Variants in CACNA2D3 observed in about 807,000 individuals in gnomAD.
CACNA2D3 encodes the protein calcium voltage-gated channel auxiliary subunit alpha2delta 3, also known as voltage-dependent calcium channel subunit alpha-2/delta-3.
Under a neutral mutation model 160.6 loss-of-function variants are expected in CACNA2D3, and 60 were observed. The ratio of observed to expected loss-of-function variants is 0.37; its 90% CI spans 0.30 to 0.46. The LOEUF (loss-of-function observed/expected upper bound fraction) is 0.46, where lower values mean the gene tolerates loss of function less well. Ranked by LOEUF, CACNA2D3 falls within the 20% of genes least tolerant of loss-of-function variation. The probability of loss-of-function intolerance (pLI) is 1.00; values close to 1 mark genes in which losing one functional copy is unlikely to be tolerated. For missense variants in CACNA2D3, 1,205 were observed against 1,365.0 expected, an observed-to-expected ratio of 0.88 and a Z score of 1.85; for synonymous variants, 558 against 492.9, an observed-to-expected ratio of 1.13 and a Z score of -1.75.
intron 13 of CACNA2D3, among the ~76,000 whole-genome samples, chr3:54,778,019 G>T (rs763965903): frequency 3.3e-5 from 5 of 152,182 alleles, no homozygotes; most frequent in Admixed American, 2.6e-4. Flanking sequence ...CCCTCCAGGG[G>T]AGCCTAAATT....
intron 34 of CACNA2D3, among the ~76,000 whole-genome samples, chr3:55,011,113 A>G (rs1225444626): frequency 6.6e-6 from 1 of 152,214 alleles, no homozygotes; most frequent in Non-Finnish European, 1.5e-5. Context: ...AGAACATGAG[A>G]TGGAGCAGAA....
Position 54,350,724 on chromosome 3 carries a change from C to T in CACNA2D3, c.321+30166C>T, listed in dbSNP as rs187226147. Among the ~76,000 whole-genome samples the T allele has an allele frequency of 3.9e-3, 594 of 152,240 alleles. 4 individuals are homozygous for T. The highest frequency in any genetic ancestry group is 2.3e-3 in the Non-Finnish European group (154 of 68,026). On this transcript the variant is annotated intron_variant, in intron 3 of 37. Transcript: ENST00000474759. ...CAAATGCTCCACAAGAGTGAGCTTT[C>T]GAGATACTCGAAGCATCAACCTTGT... is the stretch of plus-strand genomic sequence containing the variant.
At chr3:54,407,280 G>T (rs1699593553) in intron 4 of CACNA2D3, among the ~76,000 whole-genome samples, 1 of 152,246 alleles carries the variant, frequency 6.6e-6, no homozygotes, top group Non-Finnish European at 1.5e-5. Context: ...CTTTTGTGCA[G>T]TAAACAAAAT....
intron 3 of CACNA2D3, among the ~76,000 whole-genome samples, chr3:54,377,096 A>G (rs546567650): frequency 6.6e-6 from 1 of 152,226 alleles, no homozygotes; most frequent in Admixed American, 6.5e-5. Flanking sequence ...CATCCTGTCC[A>G]GTGTCTCACA....
intron 35 of CACNA2D3, among the ~76,000 whole-genome samples, chr3:55,054,603 A>T (rs936130944): frequency 6.7e-6 from 1 of 149,690 alleles, no homozygotes; most frequent in Non-Finnish European, 1.5e-5. Flanking sequence ...TTAATATACT[A>T]TATTATAAAG....
intron 2 of CACNA2D3, among the ~76,000 whole-genome samples, chr3:54,218,875 T>C (rs532388166): frequency 1.6e-4 from 25 of 152,316 alleles, no homozygotes; most frequent in Admixed American, 7.2e-4. Flanking sequence ...TCCTTCACTG[T>C]CATCTCCCTC....
At chr3:54,802,912 T>C (rs576776068) in intron 13 of CACNA2D3, among the ~76,000 whole-genome samples, 2 of 152,338 alleles carry the variant, frequency 1.3e-5, no homozygotes, top group South Asian at 2.1e-4. Flanking sequence ...GAAAGTCCGC[T>C]GTTCTGCAGC....
rs147981743 is a variant in CACNA2D3 at position 54,600,773 on chromosome 3, G to A, written c.963+18896G>A. ...TGCGCTCTGGCTTCATTATGTGAGCGTCTAATGAGCCGGGAGTGGAAGCTG... is the reference window on the plus strand; with the variant it reads ...TGCGCTCTGGCTTCATTATGTGAGCATCTAATGAGCCGGGAGTGGAAGCTG... On this transcript the variant is annotated intron_variant, in intron 9 of 37. Coordinates refer to ENST00000474759, the MANE Select transcript of CACNA2D3 (RefSeq NM_018398.3). Among the ~76,000 whole-genome samples the A allele has an allele frequency of 3.3e-3, 509 of 152,068 alleles. 5 individuals are homozygous for A. The highest frequency in any genetic ancestry group is 0.011 in the African/African-American group (466 of 41,482).
At chr3:54,141,088 CGCGCGCGCGCGTGT>C (rs1330609109) in intron 2 of CACNA2D3, among the ~76,000 whole-genome samples, 6 of 120,482 alleles carry the variant, frequency 5.0e-5, no homozygotes, top group Non-Finnish European at 8.3e-5. Flanking sequence ...TGTGTGTGTG[CGCGCGCGCGCGTGT>C]GTGCATGCAT....
chr3:54,495,897 C>G (rs946532346), intron 4 of CACNA2D3, among the ~76,000 whole-genome samples: 11 of 152,176 alleles, frequency 7.2e-5, no homozygotes, highest in Non-Finnish European at 1.6e-4. Flanking sequence ...ATTAGAACTT[C>G]GTATGTATGA....
chr3:54,353,175 C>T (rs1559458435), intron 3 of CACNA2D3, among the ~76,000 whole-genome samples: 1 of 152,222 alleles, frequency 6.6e-6, no homozygotes, highest in African/African-American at 2.4e-5. Context: ...GTTTTCTTGT[C>T]ACCTTATTTA....
intron 4 of CACNA2D3, among the ~76,000 whole-genome samples, chr3:54,437,732 T>C (rs1483341454): frequency 2.6e-5 from 4 of 152,232 alleles, no homozygotes; most frequent in East Asian, 1.9e-4. Context: ...CATCTTCCTT[T>C]CTTCACTCTC....
At chr3:54,374,461 G>C (rs1698975271) in intron 3 of CACNA2D3, among the ~76,000 whole-genome samples, 1 of 152,242 alleles carries the variant, frequency 6.6e-6, no homozygotes, top group African/African-American at 2.4e-5. Flanking sequence ...AGCTTAGATG[G>C]TGCTGAGAGT....
At chr3:54,370,462 TCC>T (rs1333633278) in intron 3 of CACNA2D3, among the ~76,000 whole-genome samples, 27 of 152,314 alleles carry the variant, frequency 1.8e-4, no homozygotes, top group African/African-American at 6.5e-4. Context: ...AAGAATCCAA[TCC>T]ATATATAAGG....
chr3:54,655,627 A>C (rs148487072), intron 11 of CACNA2D3, among the ~76,000 whole-genome samples: 50 of 152,272 alleles, frequency 3.3e-4, no homozygotes, highest in African/African-American at 1.2e-3. Context: ...CACCTATTTC[A>C]CGAATAAATA....
intron 2 of CACNA2D3, among the ~76,000 whole-genome samples, chr3:54,292,599 G>A (rs1703236558): frequency 1.3e-5 from 2 of 152,126 alleles, no homozygotes; most frequent in South Asian, 2.1e-4. Context: ...TTGCCTCAGT[G>A]AGATATAAAT....
At position 54,413,408 on chromosome 3, in the gene CACNA2D3, C is replaced by A. The variant is rs557538722; in HGVS notation, c.381+26634C>A. On this transcript the variant is annotated intron_variant, in intron 4 of 37. Transcript: ENST00000474759. ...GATGCATATATATATCTATATATAT[C>A]TATATATATAGATATCTATATATAT... 6.9e-5 allele frequency among the ~76,000 whole-genome samples: 10 copies of A among 145,236 alleles called. No homozygotes were observed. In the East Asian group the frequency reaches 1.2e-3, roughly 17 times the overall value.
chr3:54,993,367 C>T (rs1258074823), intron 31 of CACNA2D3, among the ~76,000 whole-genome samples: 1 of 152,168 alleles, frequency 6.6e-6, no homozygotes, highest in Non-Finnish European at 1.5e-5. Flanking sequence ...TTTTCCAATT[C>T]CTCTCCTCCC....
intron 2 of CACNA2D3, among the ~76,000 whole-genome samples, chr3:54,125,018 G>T (rs1699560430): frequency 6.6e-6 from 1 of 152,164 alleles, no homozygotes; most frequent in Non-Finnish European, 1.5e-5. Context: ...TTGATGTGAT[G>T]AATTCTGGAC....
Sources: gnomAD v4.1 joint callset for allele counts (sites outside exome capture counted in the v4.1 genomes callset) on GRCh38, gnomAD v4.1.1 for gene constraint, MANE v1.5 for transcripts, NCBI Gene and HGNC (gene_info 2026-07-23, HGNC 2026-07-21) for gene names.